The following FHIT variants were observed in gnomAD, a reference collection of about 807,000 sequenced individuals.
FHIT encodes the protein bis(5'-adenosyl)-triphosphatase.
In FHIT, 19 loss-of-function variants were observed where a neutral mutation model predicts 17.9. The observed-to-expected ratio is 1.06, with a 90% CI of 0.74 to 1.56. The LOEUF is 1.56. Ranked by LOEUF, FHIT falls within the 40% of genes most tolerant of loss-of-function variation. FHIT has a pLI of 0.00. For synonymous variants in FHIT, 81 were observed against 69.7 expected (o/e 1.16, Z -0.81); for missense variants, 248 against 189.2 (o/e 1.31, Z -1.82).
intron 4 of FHIT, among the ~76,000 whole-genome samples, chr3:60,759,447 C>T (rs541550783): frequency 2.6e-5 from 4 of 152,184 alleles, no homozygotes; most frequent in South Asian, 2.1e-4. Context: ...ATAGAGATTT[C>T]GAAAACATCA....
chr3:59,990,162 A>G (rs1709163139), intron 7 of FHIT, among the ~76,000 whole-genome samples: 1 of 152,022 alleles, frequency 6.6e-6, no homozygotes. Context: ...ATTTTTATGT[A>G]TTTTCGAAAA....
chr3:60,211,380 T>C (rs969390720), intron 5 of FHIT, among the ~76,000 whole-genome samples: 9 of 152,178 alleles, frequency 5.9e-5, no homozygotes, highest in Admixed American at 1.3e-4. Context: ...ATAAGGGAGA[T>C]ATAGAAGTTA....
At chr3:59,941,322 A>G (rs1032530595) in intron 7 of FHIT, among the ~76,000 whole-genome samples, 2 of 152,208 alleles carry the variant, frequency 1.3e-5, no homozygotes, top group African/African-American at 2.4e-5. Flanking sequence ...ATGAGCCACA[A>G]TGCAGGTCCA....
chr3:60,537,718 C>A (rs1220960076), intron 4 of FHIT, among the ~76,000 whole-genome samples: 1 of 152,100 alleles, frequency 6.6e-6, no homozygotes, highest in African/African-American at 2.4e-5. Context: ...ACAGCTGAGA[C>A]AAGCCAAATC....
intron 5 of FHIT, among the ~76,000 whole-genome samples, chr3:60,402,950 A>G (rs1041907502): frequency 4.6e-5 from 7 of 152,216 alleles, no homozygotes; most frequent in African/African-American, 1.7e-4. Context: ...TTCAAGGACC[A>G]CCTTTGTACA....
intron 5 of FHIT, among the ~76,000 whole-genome samples, chr3:60,475,548 A>AGG (rs1171250545): frequency 2.0e-5 from 3 of 152,164 alleles, no homozygotes; most frequent in Non-Finnish European, 4.4e-5. Context: ...TAGGCACTGG[A>AGG]GGGGCTACAA....
At chr3:61,211,842 G>A (rs897774814) in intron 1 of FHIT, among the ~76,000 whole-genome samples, 9 of 152,184 alleles carry the variant, frequency 5.9e-5, no homozygotes, top group East Asian at 1.9e-4. Context: ...CAGCATTCGC[G>A]GTTCACGAAA....
intron 5 of FHIT, among the ~76,000 whole-genome samples, chr3:60,043,912 C>A (rs545984261): frequency 1.4e-4 from 21 of 152,220 alleles, no homozygotes; most frequent in South Asian, 8.3e-4. Context: ...GACTTTATGT[C>A]TTCAAAATAA....
intron 3 of FHIT, among the ~76,000 whole-genome samples, chr3:60,987,302 G>C (rs1250111850): frequency 6.6e-6 from 1 of 152,154 alleles, no homozygotes; most frequent in Non-Finnish European, 1.5e-5. Context: ...TGTTCATAAT[G>C]GCCCTAACAC....
rs553311079 is a variant in FHIT, at chr3:60,480,893, G to A, written c.103+55967C>T. ...GGTGGATCTACCATTCTGGGGTCTAGAGGATGGTGGCCCTCTTCTCACAGC... is the reference window on the plus strand; with the variant it reads ...GGTGGATCTACCATTCTGGGGTCTAAAGGATGGTGGCCCTCTTCTCACAGC... On this transcript the variant is annotated intron_variant, in intron 5 of 9. Transcript: ENST00000492590. Among the ~76,000 whole-genome samples, 7 of 152,318 alleles carry A rather than the reference G, an allele frequency of 4.6e-5. No homozygotes were observed. The South Asian group carries it at 1.2e-3, about 27-fold the overall frequency.
chr3:60,345,722 AAC>A (rs888513016), intron 5 of FHIT, among the ~76,000 whole-genome samples: 1 of 152,214 alleles, frequency 6.6e-6, no homozygotes, highest in African/African-American at 2.4e-5. Context: ...CCTAAATTAC[AAC>A]AGTTTATTGA....
intron 5 of FHIT, among the ~76,000 whole-genome samples, chr3:60,331,452 G>A (rs1709974529): frequency 6.6e-6 from 1 of 152,162 alleles, no homozygotes; most frequent in Admixed American, 6.5e-5. Flanking sequence ...TGTTTTAGAT[G>A]ACAAAGAACA....
intron 4 of FHIT, among the ~76,000 whole-genome samples, chr3:60,799,389 G>A (rs1448783230): frequency 6.6e-6 from 1 of 152,108 alleles, no homozygotes; most frequent in Non-Finnish European, 1.5e-5. Flanking sequence ...GGTCAGGCTG[G>A]TCTCCAACTC....
intron 5 of FHIT, among the ~76,000 whole-genome samples, chr3:60,163,175 T>C (rs1701014025): frequency 2.0e-5 from 3 of 152,132 alleles, no homozygotes; most frequent in South Asian, 2.1e-4. Context: ...AACTGAGAAC[T>C]GCACAGGTCA....
chr3:59,843,311 T>G (rs1223108551), intron 8 of FHIT, among the ~76,000 whole-genome samples: 1 of 152,208 alleles, frequency 6.6e-6, no homozygotes, highest in Non-Finnish European at 1.5e-5. Flanking sequence ...CCACATTGCT[T>G]TGACTCCTAC....
intron 5 of FHIT, among the ~76,000 whole-genome samples, chr3:60,137,972 C>T (rs1340126242): frequency 2.0e-5 from 3 of 152,178 alleles, no homozygotes; most frequent in Non-Finnish European, 4.4e-5. Flanking sequence ...TCCACTTGCA[C>T]AGCATTATGA....
chr3:60,224,273 C>T (rs1304183854), intron 5 of FHIT, among the ~76,000 whole-genome samples: 9 of 152,106 alleles, frequency 5.9e-5, no homozygotes, highest in Admixed American at 5.9e-4. Context: ...TCTAAAGACC[C>T]ACTACCCACT....
At position 59,859,391 on chromosome 3, in the gene FHIT, A is replaced by C. The variant is rs913998653; in HGVS notation, c.348+62955T>G. Among the ~76,000 whole-genome samples, 72 of 152,230 alleles carry C rather than the reference A, an allele frequency of 4.7e-4. 1 individual carries two copies. Among genetic ancestry groups the C allele is most frequent in the African/African-American group, 1.7e-3 (69 of 41,462 alleles). The stretch of plus-strand genomic sequence containing the variant: ...CAGGAAAAAAAGACCTATACTCTTT[A>C]AGGCAGGAAAACACGAGACAGGGAA... On this transcript the variant is annotated intron_variant, in intron 8 of 9. Transcript: ENST00000492590.
At chr3:60,792,907 G>C (rs1278463851) in intron 4 of FHIT, among the ~76,000 whole-genome samples, 2 of 150,680 alleles carry the variant, frequency 1.3e-5, no homozygotes, top group African/African-American at 2.5e-5. Flanking sequence ...TTAAGAACTT[G>C]TGTAATACAT....
Sources: allele counts gnomAD v4.1 joint callset (sites outside exome capture counted in the v4.1 genomes callset), GRCh38; gene constraint gnomAD v4.1.1; transcripts MANE v1.5; gene names NCBI Gene and HGNC (gene_info 2026-07-23, HGNC 2026-07-21).